The following CASZ1 variants were observed in gnomAD, a reference collection of about 807,000 sequenced individuals.
The protein encoded by CASZ1 is zinc finger protein castor homolog 1.
A neutral mutation model predicts 135.2 loss-of-function variants in CASZ1; 28 were observed. The observed-to-expected ratio is 0.21, with a 90% CI of 0.15 to 0.28. The LOEUF is 0.28. Ranked by LOEUF, CASZ1 falls within the 10% of genes least tolerant of loss-of-function variation. The pLI is 1.00. For missense variants in CASZ1, 2,161 were observed against 2,453.3 expected (o/e 0.88, Z 2.52); for synonymous variants, 1,068 against 1,073.4 (o/e 0.99, Z 0.10).
Position 10,717,421 on chromosome 1 carries a change from A to T in CASZ1, c.-76-11877T>A, listed in dbSNP as rs74052173. 0.033 allele frequency among the ~76,000 whole-genome samples: 5,075 copies of T among 151,926 alleles called. 151 individuals carry two copies. Among genetic ancestry groups the T allele is most frequent in the African/African-American group, 0.081 (3,344 of 41,396 alleles). ...CTTTTCTTTTTTGCTATTTATCAGCAGGTTGTGTGGAGCTGAGTGGTGTGA... is the reference window on the plus strand; with the variant it reads ...CTTTTCTTTTTTGCTATTTATCAGCTGGTTGTGTGGAGCTGAGTGGTGTGA... On this transcript the variant is annotated intron_variant, in intron 2 of 20. Transcript: ENST00000377022. The surrounding 1 kb of genome is among the most constrained non-coding windows in gnomAD (Gnocchi z 4.6).
rs1222645816 is a variant in CASZ1 at position 10,706,429 on chromosome 1, G to A, written c.-76-885C>T. ...ACCCTATCCAGGCTTGGGGAGGGCT[G>A]TCTGTTACGTTTTCTTCTCCCCCTC... is the stretch of plus-strand genomic sequence containing the variant. On this transcript the variant is annotated intron_variant, in intron 2 of 20. Transcript: ENST00000377022. The surrounding 1 kb of genome is among the most constrained non-coding windows in gnomAD (Gnocchi z 4.3). Among the ~76,000 whole-genome samples, 1 of 152,202 alleles carries A rather than the reference G, an allele frequency of 6.6e-6. No homozygotes were observed. The highest frequency in any genetic ancestry group is 1.9e-4 in the East Asian group (1 of 5,182).
intron 2 of CASZ1, among the ~76,000 whole-genome samples, chr1:10,718,195 T>C (rs1639429866): frequency 6.6e-6 from 1 of 152,150 alleles, no homozygotes; most frequent in Non-Finnish European, 1.5e-5. Context: ...CTCCCCCGAC[T>C]GGTTCGCAGT....
intron 2 of CASZ1, among the ~76,000 whole-genome samples, chr1:10,712,208 T>C (rs563694646): frequency 2.6e-5 from 4 of 151,980 alleles, no homozygotes; most frequent in Non-Finnish European, 5.9e-5. Flanking sequence ...TAGCCGGGCA[T>C]GGTGGTGGGC....
At chr1:10,675,799 C>CA (rs5772424) in intron 4 of CASZ1, among the ~76,000 whole-genome samples, 51,340 of 129,766 alleles carry the variant, frequency 0.4, 9,570 homozygotes, top group East Asian at 0.85. Flanking sequence ...ATGACCCCCC[C>CA]CCCACCCCCA....
chr1:10,763,022 T>TC (rs1051045388), intron 1 of CASZ1, among the ~76,000 whole-genome samples: 74 of 152,116 alleles, frequency 4.9e-4, no homozygotes, highest in African/African-American at 1.8e-3. Context: ...CTCCTCCTTT[T>TC]CCCCCACGGT....
At chr1:10,704,960 G>A (rs1009935369) in intron 3 of CASZ1, among the ~76,000 whole-genome samples, 1 of 152,254 alleles carries the variant, frequency 6.6e-6, no homozygotes. Flanking sequence ...AGCCTGTCCT[G>A]GCCTCGGCCG....
chr1:10,684,052 G>T (rs561993863), intron 4 of CASZ1, among the ~76,000 whole-genome samples: 2 of 152,214 alleles, frequency 1.3e-5, no homozygotes, highest in Admixed American at 6.5e-5. Flanking sequence ...CAGTATCTCC[G>T]GGCCTCCAGC....
chr1:10,690,764 C>T (rs765614414), intron 4 of CASZ1, among the ~76,000 whole-genome samples: 7 of 152,362 alleles, frequency 4.6e-5, no homozygotes, highest in South Asian at 2.1e-4. Context: ...GGCTCCTCCG[C>T]GCCTTGGACA....
At chr1:10,765,861 C>T (rs902441222) in intron 1 of CASZ1, among the ~76,000 whole-genome samples, 2 of 152,224 alleles carry the variant, frequency 1.3e-5, no homozygotes, top group Non-Finnish European at 2.9e-5. Context: ...TATCACTCAC[C>T]CCACAGTTAC....
At chr1:10,648,970 GC>G (rs1642462874) in intron 15 of CASZ1, 99 bp downstream of exon 15, 5 of 1,479,864 alleles carry the variant, frequency 3.4e-6, no homozygotes, top group Non-Finnish European at 4.6e-6. Flanking sequence ...AGCTTCTGTG[GC>G]CCAGCGGGAA....
At chr1:10,775,807 A>T (rs145770856) in intron 1 of CASZ1, among the ~76,000 whole-genome samples, 1,788 of 152,308 alleles carry the variant, frequency 0.012, 92 homozygotes, top group Admixed American at 0.083. Flanking sequence ...GTCTGTGGCC[A>T]CGTGTGTCTC....
chr1:10,655,878 C>A, intron 8 of CASZ1, 65 bp from the exon 9 acceptor site: 1 of 1,540,700 alleles, frequency 6.5e-7, no homozygotes, highest in Non-Finnish European at 8.9e-7. Context: ...CTCCCATATG[C>A]CAAGAGCACC....
intron 1 of CASZ1, among the ~76,000 whole-genome samples, chr1:10,770,383 C>A (rs1209779524): frequency 6.6e-6 from 1 of 152,164 alleles, no homozygotes; most frequent in Non-Finnish European, 1.5e-5. Flanking sequence ...TCGAACCTGG[C>A]CTAAATTATT....
intron 4 of CASZ1, among the ~76,000 whole-genome samples, chr1:10,673,919 G>T (rs1327124526): frequency 6.6e-6 from 1 of 152,206 alleles, no homozygotes; most frequent in East Asian, 1.9e-4. Context: ...TGGATGGCCT[G>T]TACTAACCCC....
At chr1:10,768,028 G>A (rs1166338512) in intron 1 of CASZ1, among the ~76,000 whole-genome samples, 5 of 152,184 alleles carry the variant, frequency 3.3e-5, no homozygotes, top group Non-Finnish European at 5.9e-5. Context: ...GGGGCCTTCC[G>A]GGAGCTGGAA....
At chr1:10,696,340 G>A (rs1486549137) in intron 3 of CASZ1, among the ~76,000 whole-genome samples, 1 of 152,182 alleles carries the variant, frequency 6.6e-6, no homozygotes, top group Non-Finnish European at 1.5e-5. Context: ...CAGCTGGAGA[G>A]GCCTAGAAAC....
intron 19 of CASZ1, 69 bp from the exon 20 acceptor site, chr1:10,643,069 G>A: frequency 1.3e-6 from 2 of 1,594,122 alleles, no homozygotes; most frequent in Non-Finnish European, 1.7e-6. Context: ...GGCAGGCTGA[G>A]GCTCCATGCA....
intron 1 of CASZ1, among the ~76,000 whole-genome samples, chr1:10,766,527 C>T (rs1640480933): frequency 6.6e-6 from 1 of 152,194 alleles, no homozygotes; most frequent in East Asian, 1.9e-4. Flanking sequence ...ATGTCACAAC[C>T]AAAGCCTCAG....
chr1:10,754,794 T>C (rs978913494), intron 2 of CASZ1, among the ~76,000 whole-genome samples: 1 of 152,232 alleles, frequency 6.6e-6, no homozygotes, highest in Admixed American at 6.5e-5. Context: ...TGTTTTGACT[T>C]GAGTCGGTGA....
Sources: gnomAD v4.1 joint callset for allele counts (sites outside exome capture counted in the v4.1 genomes callset) on GRCh38, gnomAD v4.1.1 for gene constraint, Gnocchi (gnomAD v3.1) non-coding constraint, MANE v1.5 for transcripts, NCBI Gene and HGNC (gene_info 2026-07-23, HGNC 2026-07-21) for gene names.